Variants in NETO2 observed in about 807,000 individuals in gnomAD.
NETO2 encodes neuropilin and tolloid-like protein 2.
A neutral mutation model predicts 62.5 loss-of-function variants in NETO2; 28 were observed. The ratio of observed to expected loss-of-function variants is 0.45; its 90% CI spans 0.33 to 0.61. The LOEUF (loss-of-function observed/expected upper bound fraction) is 0.61, where lower values mean the gene tolerates loss of function less well. Among genes scored for constraint, NETO2 ranks in the 20% least tolerant of loss-of-function variants. NETO2 has a pLI of 0.02. For synonymous variants in NETO2, 214 were observed against 219.1 expected, an observed-to-expected ratio of 0.98 and a Z score of 0.21; for missense variants, 548 against 643.2, an observed-to-expected ratio of 0.85 and a Z score of 1.60.
chr16:47,112,730 A>T (rs552366856), intron 6 of NETO2, among the ~76,000 whole-genome samples: 1 of 152,314 alleles, frequency 6.6e-6, no homozygotes, highest in Admixed American at 6.5e-5. Context: ...TAATTTTTTT[A>T]AGTTTAACTG....
At chr16:47,093,381 T>C (rs1465731913) in intron 7 of NETO2, among the ~76,000 whole-genome samples, 1 of 152,206 alleles carries the variant, frequency 6.6e-6, no homozygotes, top group African/African-American at 2.4e-5. Flanking sequence ...TCCTCCGTAA[T>C]TGATGCTGCC....
intron 1 of NETO2, among the ~76,000 whole-genome samples, chr16:47,133,725 T>C (rs1214883868): frequency 6.6e-6 from 1 of 152,062 alleles, no homozygotes; most frequent in Non-Finnish European, 1.5e-5. Context: ...TAATACAGTG[T>C]GGTTGGCAAG....
intron 7 of NETO2, among the ~76,000 whole-genome samples, chr16:47,087,021 T>C (rs1963204598): frequency 8.5e-6 from 1 of 117,184 alleles, no homozygotes; most frequent in Non-Finnish European, 1.7e-5. Flanking sequence ...AGCATAATTA[T>C]TTATAATTAA....
At chr16:47,104,730 T>C (rs1963633838) in intron 7 of NETO2, among the ~76,000 whole-genome samples, 1 of 151,428 alleles carries the variant, frequency 6.6e-6, no homozygotes, top group African/African-American at 2.4e-5. Context: ...CATAATTTCT[T>C]TTTTTTTTGG....
intron 7 of NETO2, among the ~76,000 whole-genome samples, chr16:47,092,475 A>T (rs1963332525): frequency 6.6e-6 from 1 of 152,136 alleles, no homozygotes; most frequent in South Asian, 2.1e-4. Context: ...GACATCTGGG[A>T]GGCGTTTTTA....
At chr16:47,132,197 A>G (rs896682568) in intron 1 of NETO2, among the ~76,000 whole-genome samples, 172 bp from the exon 2 acceptor site, 3 of 152,172 alleles carry the variant, frequency 2.0e-5, no homozygotes. Context: ...TTTGCTACCT[A>G]ACCCTTAAGA....
intron 7 of NETO2, among the ~76,000 whole-genome samples, chr16:47,105,267 TG>T (rs1349679212): frequency 6.6e-6 from 1 of 152,102 alleles, no homozygotes; most frequent in African/African-American, 2.4e-5. Context: ...AAAATGATCC[TG>T]GGAAAGCTGG....
At position 47,081,611 on chromosome 16, in the gene NETO2, T is replaced by G. The variant is rs1963061661; in HGVS notation, c.*1610A>C. On this transcript the variant is annotated 3_prime_UTR_variant, in exon 9 of 9. Coordinates refer to ENST00000562435, the MANE Select transcript of NETO2 (RefSeq NM_018092.5). ...AACACATATATGTAATATTTAAAAG[T>G]TAATGAAATCCAGTGAAACTTCAAC... 6.6e-6 allele frequency: 1 copy of G among 152,602 alleles called. No individual in the cohort carries two copies. Among genetic ancestry groups the G allele is most frequent in the Admixed American group, 6.5e-5 (1 of 15,274 alleles). 9.5% of individuals were successfully genotyped at this position (152,602 alleles called of 1,614,324 possible).
chr16:47,128,179 G>A, intron 4 of NETO2, 146 bp downstream of exon 4: 1 of 957,842 alleles, frequency 1.0e-6, no homozygotes, highest in South Asian at 1.7e-5. Flanking sequence ...ATTTGTTCAT[G>A]GACTAATTTC....
intron 6 of NETO2, among the ~76,000 whole-genome samples, chr16:47,116,830 T>C (rs144662945): frequency 3.0e-4 from 45 of 152,324 alleles, no homozygotes; most frequent in Non-Finnish European, 3.1e-4. Context: ...TACTGGGACA[T>C]GTTTGGGCAG....
intron 4 of NETO2, among the ~76,000 whole-genome samples, chr16:47,128,078 C>T (rs1233196699): frequency 2.0e-5 from 3 of 152,044 alleles, no homozygotes; most frequent in African/African-American, 7.2e-5. Flanking sequence ...TGCTATAAGA[C>T]AGAAAAAAAT....
chr16:47,121,900 T>C (rs1964047772), intron 6 of NETO2, among the ~76,000 whole-genome samples: 1 of 152,224 alleles, frequency 6.6e-6, no homozygotes. Flanking sequence ...AAAATAATTA[T>C]TTGTCATATT....
chr16:47,103,603 T>C (rs1320387270), intron 7 of NETO2, among the ~76,000 whole-genome samples: 2 of 152,030 alleles, frequency 1.3e-5, no homozygotes, highest in Non-Finnish European at 2.9e-5. Flanking sequence ...TAAAGACCAA[T>C]ATCCCTTATG....
At chr16:47,105,179 T>A (rs981554946) in intron 7 of NETO2, among the ~76,000 whole-genome samples, 4 of 152,138 alleles carry the variant, frequency 2.6e-5, no homozygotes, top group Admixed American at 6.5e-5. Flanking sequence ...ACTACAGGTG[T>A]ATGCCACTGT....
intron 4 of NETO2, among the ~76,000 whole-genome samples, chr16:47,124,923 T>A (rs1031489403): frequency 6.6e-5 from 10 of 152,260 alleles, no homozygotes; most frequent in Non-Finnish European, 1.2e-4. Context: ...TTTATTATAC[T>A]TTGTCTATAT....
intron 4 of NETO2, among the ~76,000 whole-genome samples, chr16:47,126,972 G>A (rs1314424243): frequency 6.6e-6 from 1 of 152,082 alleles, no homozygotes; most frequent in Non-Finnish European, 1.5e-5. Context: ...AGATAATAAA[G>A]TTATATGTGT....
At chr16:47,088,136 G>A (rs1315713405) in intron 7 of NETO2, among the ~76,000 whole-genome samples, 7 of 151,648 alleles carry the variant, frequency 4.6e-5, no homozygotes, top group East Asian at 1.9e-4. Context: ...ATGGAGTCTC[G>A]CTCTGTTGCC....
intron 6 of NETO2, among the ~76,000 whole-genome samples, chr16:47,120,976 T>C (rs934788973): frequency 2.0e-5 from 3 of 152,108 alleles, no homozygotes; most frequent in African/African-American, 7.2e-5. Flanking sequence ...GCACGTCACA[T>C]GTGTGCGTCA....
chr16:47,112,049 G>A (rs972524679), intron 6 of NETO2, among the ~76,000 whole-genome samples: 3 of 151,934 alleles, frequency 2.0e-5, no homozygotes, highest in Non-Finnish European at 1.5e-5. Context: ...CTTAAACATC[G>A]ATGCCTTCTT....
Sources: allele counts gnomAD v4.1 joint callset (sites outside exome capture counted in the v4.1 genomes callset), GRCh38; gene constraint gnomAD v4.1.1; transcripts MANE v1.5; gene names NCBI Gene and HGNC (gene_info 2026-07-23, HGNC 2026-07-21).